Variants in WDR11 observed in about 807,000 individuals in gnomAD.
The protein encoded by WDR11 is WD repeat-containing protein 11.
A neutral mutation model predicts 151.2 loss-of-function variants in WDR11; 83 were observed. The ratio of observed to expected loss-of-function variants is 0.55; its 90% CI spans 0.46 to 0.66. The LOEUF is 0.66. Ranked by LOEUF, WDR11 falls within the 30% of genes least tolerant of loss-of-function variation. The probability of loss-of-function intolerance (pLI) is 0.00; values close to 1 mark genes in which losing one functional copy is unlikely to be tolerated. For synonymous variants in WDR11, 484 were observed against 533.1 expected, an observed-to-expected ratio of 0.91 and a Z score of 1.27; for missense variants, 1,301 against 1,480.9, an observed-to-expected ratio of 0.88 and a Z score of 1.99.
At chr10:120,876,585 C>T (rs781248412) in intron 11 of WDR11, among the ~76,000 whole-genome samples, 4 of 152,186 alleles carry the variant, frequency 2.6e-5, no homozygotes, top group Admixed American at 6.6e-5. Context: ...CTAGTAGTCT[C>T]TGCTTACACT....
At chr10:120,882,853 A>G (rs1590089957) in intron 13 of WDR11, among the ~76,000 whole-genome samples, 2 of 151,974 alleles carry the variant, frequency 1.3e-5, no homozygotes, top group African/African-American at 4.8e-5. Flanking sequence ...TCTTCTGCTT[A>G]CTTTTTAAAT....
intron 10 of WDR11, 43 bp downstream of exon 10, chr10:120,871,389 AAG>A: frequency 6.3e-7 from 1 of 1,583,204 alleles, no homozygotes; most frequent in Non-Finnish European, 8.7e-7. Context: ...CTCACTTTAT[AAG>A]ATGTTTAGGT....
At chr10:120,853,393 GT>G (rs1298899639) in intron 2 of WDR11, among the ~76,000 whole-genome samples, 1 of 151,992 alleles carries the variant, frequency 6.6e-6, no homozygotes, top group African/African-American at 2.4e-5. Context: ...AGCCTCCTGA[GT>G]AGCTGGGACT....
At chr10:120,891,034 C>A in intron 19 of WDR11, 147 bp downstream of exon 19, 2 of 871,414 alleles carry the variant, frequency 2.3e-6, no homozygotes, top group Non-Finnish European at 3.6e-6. Context: ...TAACTTGAAG[C>A]TTGAGTGTTT....
At chr10:120,889,741 T>C in intron 17 of WDR11, 154 bp from the exon 18 acceptor site, 1 of 677,666 alleles carries the variant, frequency 1.5e-6, no homozygotes, top group Non-Finnish European at 2.7e-6. Flanking sequence ...GGGCAGGCCC[T>C]TTCTGTCAGA....
intron 7 of WDR11, among the ~76,000 whole-genome samples, chr10:120,866,013 AT>A (rs765369808): frequency 2.9e-3 from 415 of 144,174 alleles, no homozygotes; most frequent in African/African-American, 6.8e-3. Context: ...ATTTTTTGGA[AT>A]TTTTTTTTTT....
rs767610293 is a variant in WDR11 at position 120,909,069 on chromosome 10, A to C, written c.*356A>C. 3.5e-4 allele frequency: 99 copies of C among 285,690 alleles called. No individual in the cohort carries two copies. Among genetic ancestry groups the C allele is most frequent in the Non-Finnish European group, 4.4e-4 (65 of 148,396 alleles). The allele number at this position is 285,690 out of a possible 1,614,324, so 17.7% of individuals were successfully genotyped here. A position where few individuals can be genotyped will look rare whatever the true frequency, so the allele number is the denominator to read the frequency against. ...TGATTAAATGTAAAGATTATTGAGA[A>C]ACCTATAGTAAATGAAATTTGTGAG... On this transcript the variant is annotated 3_prime_UTR_variant, in exon 29 of 29. Coordinates refer to ENST00000263461, the MANE Select transcript of WDR11 (RefSeq NM_018117.12).
In WDR11 at chr10:120,904,141, A is replaced by G; in HGVS notation, c.3026A>G (p.Gln1009Arg). ...ACAGACCAGCTACTGCTCTTGGGTC[A>G]AGTATGTCAGTTTTTATAACTCTAC... The part of the protein sequence containing the change: ...KCTDQLLLLG[Q>R]TDRAVQLLLE... Residue 1009 changes from glutamine to arginine, a missense_variant and splice_region_variant, in exon 24 of 29, where the codon CAA becomes CGA. Gln to Arg is a conservative substitution (Grantham distance 43). Around this residue, in one of 3 missense-constraint regions of WDR11, gnomAD observed 589 missense variants for 670.6 expected, o/e 0.88. Coordinates refer to ENST00000263461, the MANE Select transcript of WDR11 (RefSeq NM_018117.12). The G allele has an allele frequency of 6.2e-7, 1 of 1,609,264 alleles. No individual in the cohort carries two copies. The highest frequency in any genetic ancestry group is 8.5e-7 in the Non-Finnish European group (1 of 1,175,720).
chr10:120,892,328 A>C (rs1378064577), intron 19 of WDR11, among the ~76,000 whole-genome samples: 1 of 152,118 alleles, frequency 6.6e-6, no homozygotes, highest in Non-Finnish European at 1.5e-5. Context: ...TCAATCTCTA[A>C]TGTTACAGCC....
intron 1 of WDR11, chr10:120,851,912 C>T (rs1441060905): frequency 6.6e-6 from 2 of 304,052 alleles, no homozygotes; most frequent in African/African-American, 2.2e-5. Context: ...CAACAATGTG[C>T]CAGACCCTGT....
At chr10:120,857,303 G>A (rs1173218945) in intron 2 of WDR11, among the ~76,000 whole-genome samples, 1 of 152,162 alleles carries the variant, frequency 6.6e-6, no homozygotes, top group Non-Finnish European at 1.5e-5. Context: ...GAACACACAT[G>A]TATGTTCGGT....
intron 9 of WDR11, 63 bp from the exon 10 acceptor site, chr10:120,871,107 T>G: frequency 6.4e-7 from 1 of 1,560,058 alleles, no homozygotes; most frequent in Non-Finnish European, 8.8e-7. Context: ...GAAAATTTTC[T>G]TTAGCTTTTT....
intron 27 of WDR11, chr10:120,906,516 T>TG: frequency 7.4e-7 from 1 of 1,346,160 alleles, no homozygotes; most frequent in Non-Finnish European, 9.6e-7. Context: ...CATGGGCACT[T>TG]GTCATATCTC....
At chr10:120,866,427 T>C in intron 7 of WDR11, 142 bp from the exon 8 acceptor site, 1 of 868,882 alleles carries the variant, frequency 1.2e-6, no homozygotes, top group Non-Finnish European at 1.8e-6. Flanking sequence ...TTAGTAGTAA[T>C]TGTAAAAAGT....
At chr10:120,871,408 G>T (rs1564949123) in intron 10 of WDR11, 62 bp downstream of exon 10, 2 of 1,505,074 alleles carry the variant, frequency 1.3e-6, no homozygotes. Flanking sequence ...AGGTTTTCTA[G>T]TTTCTAGAAG....
chr10:120,851,777 C>G, intron 1 of WDR11: 1 of 555,014 alleles, frequency 1.8e-6, no homozygotes, highest in Admixed American at 3.1e-5. Context: ...TTTGCCGTTC[C>G]ATTCCTCTCT....
intron 19 of WDR11, among the ~76,000 whole-genome samples, chr10:120,893,425 T>G (rs1466885410): frequency 6.6e-6 from 1 of 152,146 alleles, no homozygotes; most frequent in African/African-American, 2.4e-5. Context: ...TGTTGGACAT[T>G]TAGGTTGGTT....
At chr10:120,857,791 C>G (rs1846001919) in intron 2 of WDR11, among the ~76,000 whole-genome samples, 1 of 152,072 alleles carries the variant, frequency 6.6e-6, no homozygotes, top group Admixed American at 6.5e-5. Context: ...ATTAAACAGA[C>G]CTTGGACACT....
In WDR11 at chr10:120,908,881, G is replaced by T. The variant is rs1257709985; in HGVS notation, c.*168G>T. Reference sequence around the variant, plus strand: ...CCAAAAGCACATAAGCATCTATGTTGAGAGTAAGTTTGTATCCTGCGTTGG... The same window carrying T: ...CCAAAAGCACATAAGCATCTATGTTTAGAGTAAGTTTGTATCCTGCGTTGG... On this transcript the variant is annotated 3_prime_UTR_variant, in exon 29 of 29. Transcript: ENST00000263461. 2 of 721,092 alleles carry T rather than the reference G, an allele frequency of 2.8e-6. No individual in the cohort carries two copies. The highest frequency in any genetic ancestry group is 2.7e-5 in the East Asian group (1 of 37,194). 44.7% of individuals were successfully genotyped at this position (721,092 alleles called of 1,614,324 possible). A position where few individuals can be genotyped will look rare whatever the true frequency, so the allele number is the denominator to read the frequency against.
Sources: allele counts gnomAD v4.1 joint callset (sites outside exome capture counted in the v4.1 genomes callset), GRCh38; gene constraint gnomAD v4.1.1; regional missense constraint gnomAD v4.1.1; transcripts MANE v1.5; gene names NCBI Gene and HGNC (gene_info 2026-07-23, HGNC 2026-07-21).